Variants in GALNT11 observed in about 807,000 individuals in gnomAD.
The protein encoded by GALNT11 is UDP-GalNAc:polypeptide N-acetylgalactosaminyltransferase 11.
In GALNT11, 47 loss-of-function variants were observed where a neutral mutation model predicts 72.7. The ratio of observed to expected loss-of-function variants is 0.65; its 90% CI spans 0.51 to 0.82. GALNT11 has a LOEUF of 0.82. Ranked by LOEUF, GALNT11 falls within the 40% of genes least tolerant of loss-of-function variation. The pLI, the probability that GALNT11 is intolerant of heterozygous loss-of-function variation, is 0.00. For missense variants in GALNT11, 677 were observed against 778.4 expected (o/e 0.87, Z 1.55); for synonymous variants, 270 against 286.6 (o/e 0.94, Z 0.58).
chr7:152,121,046 A>G, intron 11 of GALNT11, 78 bp downstream of exon 11: 1 of 1,523,750 alleles, frequency 6.6e-7, no homozygotes, highest in Non-Finnish European at 8.8e-7. Context: ...AGATGAACTC[A>G]TTTTCTACCT....
rs112898570 is a variant in GALNT11 at position 152,110,791 on chromosome 7, C to T, written c.1080+146C>T. ...TGCTGCCCAGGTTGGAGTGCAGTGGCGTGGTCATGGCTCACTGCAGCCTTG... is the reference window on the plus strand; with the variant it reads ...TGCTGCCCAGGTTGGAGTGCAGTGGTGTGGTCATGGCTCACTGCAGCCTTG... On this transcript the variant is annotated intron_variant, in intron 7 of 11. Transcript: ENST00000430044. 682 of 623,490 alleles carry T rather than the reference C, an allele frequency of 1.1e-3. 2 individuals carry two copies. Among genetic ancestry groups the T allele is most frequent in the African/African-American group, 7.2e-3 (379 of 52,398 alleles). The allele number at this position is 623,490 out of a possible 1,614,324, so 38.6% of individuals were successfully genotyped here. A position where few individuals can be genotyped will look rare whatever the true frequency, so the allele number is the denominator to read the frequency against.
intron 8 of GALNT11, among the ~76,000 whole-genome samples, chr7:152,114,691 C>T (rs1458096620): frequency 5.9e-5 from 9 of 152,072 alleles, no homozygotes; most frequent in Non-Finnish European, 1.2e-4. Flanking sequence ...CTCAGCCTCC[C>T]GAGTAGCTGG....
At chr7:152,042,873 A>G (rs2152011256) in intron 1 of GALNT11, among the ~76,000 whole-genome samples, 1 of 152,330 alleles carries the variant, frequency 6.6e-6, no homozygotes, top group Middle Eastern at 3.4e-3. Flanking sequence ...TTACCACTCC[A>G]ACTATGTTAA....
At chr7:152,082,841 C>G (rs539508025) in intron 1 of GALNT11, among the ~76,000 whole-genome samples, 1 of 152,142 alleles carries the variant, frequency 6.6e-6, no homozygotes, top group Non-Finnish European at 1.5e-5. Context: ...TCAGTTTGAT[C>G]GGGTGGGAAA....
chr7:152,113,927 T>G (rs371663299), intron 8 of GALNT11, among the ~76,000 whole-genome samples: 4,600 of 151,454 alleles, frequency 0.03, 93 homozygotes, highest in Middle Eastern at 0.051. Context: ...GTGTTTTTTT[T>G]TTTGTTTGTT....
chr7:152,097,679 A>G (rs2086481785), intron 2 of GALNT11, among the ~76,000 whole-genome samples: 1 of 152,262 alleles, frequency 6.6e-6, no homozygotes, highest in Admixed American at 6.5e-5. Context: ...AGAGAAGGGA[A>G]TGACGTTGTG....
At chr7:152,068,613 C>T (rs192244656) in intron 1 of GALNT11, among the ~76,000 whole-genome samples, 1 of 152,100 alleles carries the variant, frequency 6.6e-6, no homozygotes, top group South Asian at 2.1e-4. Flanking sequence ...AGTATGATGA[C>T]TGGTTCTTCA....
chr7:152,094,224 T>C lies in GALNT11; in HGVS notation c.-4T>C. On this transcript the variant is annotated 5_prime_UTR_variant, in exon 2 of 12. Transcript: ENST00000430044. The surrounding 1 kb of genome is among the most constrained non-coding windows in gnomAD (Gnocchi z 4.3). Reference sequence around the variant, plus strand: ...AATGGCCCTTCAGCTATGCTAGGTCTATAATGGGAAGTGTCACAGTTCGGT... The same window carrying C: ...AATGGCCCTTCAGCTATGCTAGGTCCATAATGGGAAGTGTCACAGTTCGGT... The C allele has an allele frequency of 6.3e-7, 1 of 1,590,278 alleles. No homozygotes were observed. The highest frequency in any genetic ancestry group is 8.6e-7 in the Non-Finnish European group (1 of 1,167,736).
chr7:152,057,980 G>T (rs1246865205), intron 1 of GALNT11, among the ~76,000 whole-genome samples: 1 of 152,090 alleles, frequency 6.6e-6, no homozygotes, highest in Non-Finnish European at 1.5e-5. Flanking sequence ...CGTTTTTGAT[G>T]ACCCTGACAG....
chr7:152,077,112 C>T (rs2085030798), intron 1 of GALNT11, among the ~76,000 whole-genome samples: 1 of 152,182 alleles, frequency 6.6e-6, no homozygotes, highest in African/African-American at 2.4e-5. Flanking sequence ...AAGATTCTGT[C>T]ACAGTTTGAT....
intron 1 of GALNT11, among the ~76,000 whole-genome samples, chr7:152,056,819 G>T (rs756972199): frequency 2.6e-5 from 4 of 151,606 alleles, no homozygotes; most frequent in Non-Finnish European, 5.9e-5. Flanking sequence ...TTAAAGGAAC[G>T]GTAGTTTGTT....
intron 8 of GALNT11, 48 bp downstream of exon 8, chr7:152,113,446 G>T: frequency 6.3e-7 from 1 of 1,592,802 alleles, no homozygotes; most frequent in South Asian, 1.1e-5. Context: ...GGCCGGCAGT[G>T]ACTGGCCTAG....
rs543670113 is a variant in GALNT11, at chr7:152,092,293, A to C, written c.-38-1897A>C. On this transcript the variant is annotated intron_variant, in intron 1 of 11. Coordinates refer to ENST00000430044, the MANE Select transcript of GALNT11 (RefSeq NM_022087.4). ...TTTTTGTTACAAAGTTGCACATTGC[A>C]ATTTTTTTTTGTCTTTTCATTTGCT... Among the ~76,000 whole-genome samples the C allele has an allele frequency of 2.0e-5, 3 of 152,244 alleles. No individual in the cohort carries two copies. In the South Asian group the frequency reaches 6.2e-4, roughly 32 times the overall value.
intron 1 of GALNT11, among the ~76,000 whole-genome samples, chr7:152,067,109 G>T (rs2129005166): frequency 6.6e-6 from 1 of 152,340 alleles, no homozygotes; most frequent in Admixed American, 6.5e-5. Context: ...CAGGTATCTT[G>T]TAGATGTCCC....
chr7:152,091,601 C>G (rs1445216474), intron 1 of GALNT11, among the ~76,000 whole-genome samples: 3 of 152,058 alleles, frequency 2.0e-5, no homozygotes, highest in African/African-American at 7.2e-5. Context: ...TGGTCTCCAA[C>G]TCCCAACCTC....
intron 1 of GALNT11, among the ~76,000 whole-genome samples, chr7:152,071,995 G>A (rs1204728835): frequency 7.5e-6 from 1 of 133,420 alleles, no homozygotes; most frequent in African/African-American, 2.9e-5. Context: ...GGCAGCAAGA[G>A]CAAAACTCTG....
At chr7:152,027,604 T>A (rs753843297) in intron 1 of GALNT11, 1 of 152,608 alleles carries the variant, frequency 6.6e-6, no homozygotes, top group African/African-American at 2.4e-5. Context: ...TAGTCCTCTG[T>A]AAGCAGGAAG....
At chr7:152,107,905 G>T in intron 5 of GALNT11, 133 bp from the exon 6 acceptor site, 1 of 1,045,462 alleles carries the variant, frequency 9.6e-7, no homozygotes, top group Non-Finnish European at 1.4e-6. Flanking sequence ...TAGTGGAGCA[G>T]TTAGGCCGTC....
intron 1 of GALNT11, among the ~76,000 whole-genome samples, chr7:152,043,320 C>T (rs1198162273): frequency 6.6e-6 from 1 of 152,186 alleles, no homozygotes; most frequent in Non-Finnish European, 1.5e-5. Context: ...GGACCTTTTG[C>T]GGGGATTCCC....
Sources: gnomAD v4.1 joint callset for allele counts (sites outside exome capture counted in the v4.1 genomes callset) on GRCh38, gnomAD v4.1.1 for gene constraint, Gnocchi (gnomAD v3.1) non-coding constraint, MANE v1.5 for transcripts, NCBI Gene and HGNC (gene_info 2026-07-23, HGNC 2026-07-21) for gene names.